Variants in PAK3 observed in about 807,000 individuals in gnomAD.
The protein encoded by PAK3 is serine/threonine-protein kinase PAK 3.
A neutral mutation model predicts 41.0 loss-of-function variants in PAK3; 4 were observed. The observed-to-expected ratio is 0.10, with a 90% CI of 0.05 to 0.22. PAK3 has a LOEUF of 0.22. Ranked by LOEUF, PAK3 falls within the 10% of genes least tolerant of loss-of-function variation. The pLI is 1.00. For missense variants in PAK3, 205 were observed against 409.9 expected, an observed-to-expected ratio of 0.50 and a Z score of 4.32; for synonymous variants, 146 against 139.6, an observed-to-expected ratio of 1.05 and a Z score of -0.32.
At chrX:110,966,248 T>C (rs1197040760) in intron 1 of PAK3, among the ~76,000 whole-genome samples, 1 of 111,135 alleles carries the variant, frequency 9.0e-6, no homozygotes, top group Non-Finnish European at 1.9e-5. Context: ...CAAAGGAGGG[T>C]AGGACAATTC....
chrX:111,170,971 A>G (rs769553498), intron 10 of PAK3, among the ~76,000 whole-genome samples: 15 of 111,110 alleles, frequency 1.4e-4, no homozygotes, highest in African/African-American at 4.6e-4. Context: ...GGAATTATGA[A>G]CAGTGGAGCA....
At chrX:111,079,890 A>T (rs971213168) in intron 1 of PAK3, among the ~76,000 whole-genome samples, 4 of 112,286 alleles carry the variant, frequency 3.6e-5, no homozygotes, top group Admixed American at 1.9e-4. Context: ...TTAAGACTTC[A>T]GCAGAGAAAG....
At chrX:111,086,687 C>A in intron 1 of PAK3, among the ~76,000 whole-genome samples, 1 of 111,625 alleles carries the variant, frequency 9.0e-6, no homozygotes, top group Middle Eastern at 4.6e-3. Flanking sequence ...GAAGTCAGAG[C>A]TTTTGTTAGC....
intron 1 of PAK3, among the ~76,000 whole-genome samples, chrX:111,055,115 C>T (rs2092592996): frequency 8.9e-6 from 1 of 111,989 alleles, no homozygotes; most frequent in Admixed American, 9.5e-5. Context: ...ACCACACTAC[C>T]ATTCCCTATA....
intron 1 of PAK3, among the ~76,000 whole-genome samples, chrX:111,004,930 G>A (rs1405667762): frequency 8.9e-6 from 1 of 112,237 alleles, no homozygotes; most frequent in East Asian, 2.8e-4. Context: ...CTGAGAAGAG[G>A]AAAGATACTA....
chrX:111,015,022 G>A (rs2092067631), intron 1 of PAK3, among the ~76,000 whole-genome samples: 1 of 111,069 alleles, frequency 9.0e-6, no homozygotes, highest in Non-Finnish European at 1.9e-5. Flanking sequence ...CAAGGATTAA[G>A]TTATATCAAG....
chrX:110,958,602 G>C (rs137995995), intron 1 of PAK3, among the ~76,000 whole-genome samples: 5 of 111,872 alleles, frequency 4.5e-5, no homozygotes, highest in Non-Finnish European at 9.4e-5. Flanking sequence ...CTTGAATAAC[G>C]TGATGAAAGG....
At chrX:111,189,356 G>T (rs1228426616) in intron 11 of PAK3, among the ~76,000 whole-genome samples, 1 of 111,508 alleles carries the variant, frequency 9.0e-6, no homozygotes, top group Admixed American at 9.5e-5. Flanking sequence ...CCATGTCTTT[G>T]CTATCATGAA....
chrX:111,026,862 G>C (rs1483544640), intron 1 of PAK3, among the ~76,000 whole-genome samples: 1 of 111,666 alleles, frequency 9.0e-6, no homozygotes, highest in African/African-American at 3.2e-5. Context: ...GCAAGACTAA[G>C]AAAACAGAAC....
At chrX:111,216,321 C>T in intron 16 of PAK3, 100 bp from the exon 17 acceptor site, 1 of 576,157 alleles carries the variant, frequency 1.7e-6, no homozygotes, top group East Asian at 3.3e-5. Flanking sequence ...ATTATTAAGA[C>T]CCAGAATGTA....
At position 111,075,351 on chromosome X, in the gene PAK3, G is replaced by A. The variant is rs189269076; in HGVS notation, c.-27-47726G>A. 2.0e-4 allele frequency among the ~76,000 whole-genome samples: 22 copies of A among 112,650 alleles called. 1 individual carries two copies. Among genetic ancestry groups the A allele is most frequent in the Admixed American group, 1.7e-3 (18 of 10,718 alleles). ...GCCAGGCCCAGAGTGCCAATGCCCC[G>A]TGACACCTCAGGAGGCTGCTTCTTG... On this transcript the variant is annotated intron_variant, in intron 1 of 14. Coordinates refer to the PAK3 transcript ENST00000425146.
chrX:111,035,774 A>T (rs1430973616), intron 1 of PAK3, among the ~76,000 whole-genome samples: 2 of 111,903 alleles, frequency 1.8e-5, no homozygotes, highest in Non-Finnish European at 3.8e-5. Context: ...CCCTTGAGGG[A>T]AGTATTAAAT....
chrX:111,170,380 C>G (rs953160573), intron 10 of PAK3, among the ~76,000 whole-genome samples: 2 of 109,904 alleles, frequency 1.8e-5, no homozygotes, highest in African/African-American at 6.6e-5. Context: ...AAACCAACAA[C>G]TTGATGAGTA....
At chrX:111,081,610 T>TA (rs760465556) in intron 1 of PAK3, among the ~76,000 whole-genome samples, 2 of 110,916 alleles carry the variant, frequency 1.8e-5, no homozygotes, top group African/African-American at 3.3e-5. Context: ...GTTCTTACTA[T>TA]AAAAAAAAGA....
intron 1 of PAK3, among the ~76,000 whole-genome samples, chrX:111,038,382 G>T (rs966066190): frequency 8.9e-6 from 1 of 111,987 alleles, no homozygotes; most frequent in Non-Finnish European, 1.9e-5. Flanking sequence ...GCCATCCTCT[G>T]CTCACCTGGG....
At chrX:111,065,317 G>GTTTTTTTT (rs56710729) in intron 1 of PAK3, among the ~76,000 whole-genome samples, 1 of 102,270 alleles carries the variant, frequency 9.8e-6, no homozygotes. Flanking sequence ...AGATGATCAC[G>GTTTTTTTT]TTTTTTTTTT....
At chrX:111,146,118 A>G (rs777695986) in intron 6 of PAK3, among the ~76,000 whole-genome samples, 12 of 112,063 alleles carry the variant, frequency 1.1e-4, no homozygotes, top group Non-Finnish European at 3.8e-5. Context: ...GCCATTGGCT[A>G]CCTGTGATCA....
intron 16 of PAK3, among the ~76,000 whole-genome samples, chrX:111,204,941 A>ATTT (rs775428482): frequency 1.1e-3 from 35 of 32,441 alleles, no homozygotes; most frequent in African/African-American, 4.3e-3. Context: ...TCATCAGCAC[A>ATTT]TTTTTTTTTT....
At chrX:111,207,746 T>A (rs760831555) in intron 16 of PAK3, among the ~76,000 whole-genome samples, 1 of 112,179 alleles carries the variant, frequency 8.9e-6, no homozygotes, top group South Asian at 3.8e-4. Flanking sequence ...CCTGACGCTG[T>A]CTAGGCCTAG....
Sources: gnomAD v4.1 joint callset for allele counts (sites outside exome capture counted in the v4.1 genomes callset) on GRCh38, gnomAD v4.1.1 for gene constraint, MANE v1.5 for transcripts, NCBI Gene and HGNC (gene_info 2026-07-23, HGNC 2026-07-21) for gene names.